The following ISM1 variants were observed in gnomAD, a reference collection of about 807,000 sequenced individuals.
ISM1 encodes the protein isthmin-1.
In ISM1, 25 loss-of-function variants were observed where a neutral mutation model predicts 46.3. The ratio of observed to expected loss-of-function variants is 0.54; its 90% confidence interval spans 0.39 to 0.75. ISM1 has a LOEUF of 0.75. Ranked by LOEUF, ISM1 falls within the 30% of genes least tolerant of loss-of-function variation. The probability of loss-of-function intolerance (pLI) is 0.00; values close to 1 mark genes in which losing one functional copy is unlikely to be tolerated. For missense variants in ISM1, 536 were observed against 625.4 expected (o/e 0.86, Z 1.52); for synonymous variants, 255 against 256.7 (o/e 0.99, Z 0.06).
intron 1 of ISM1, among the ~76,000 whole-genome samples, chr20:13,225,722 A>G (rs796660442): frequency 2.6e-5 from 4 of 152,204 alleles, no homozygotes; most frequent in African/African-American, 7.2e-5. Context: ...TGAGAAAACT[A>G]TCTGCAGTAG....
chr20:13,322,685 A>G, the ISM1 span, among the ~76,000 whole-genome samples: 1 of 152,240 alleles, frequency 6.6e-6, no homozygotes, highest in East Asian at 1.9e-4. Context: ...AGGAGACAGG[A>G]TAAGGAATAG....
chr20:13,223,225 TA>T lies in ISM1; in HGVS notation c.138+1312del, dbSNP rs1210775107. ...TAAATAAATAAAATGAAATAAGCAT[TA>T]TTCATTGTTCCCAAAGGCCTTTATA... On this transcript the variant is annotated intron_variant, in intron 1 of 5. Transcript: ENST00000262487. Among the ~76,000 whole-genome samples the T allele has an allele frequency of 2.0e-5, 3 of 151,668 alleles. No individual in the cohort carries two copies. The East Asian group carries it at 5.8e-4, about 29-fold the overall frequency.
At chr20:13,274,258 C>T (rs574817290) in intron 2 of ISM1, among the ~76,000 whole-genome samples, 35 of 152,270 alleles carry the variant, frequency 2.3e-4, no homozygotes, top group Non-Finnish European at 4.4e-4. Flanking sequence ...CCTCAGAGCA[C>T]TGTTCTTTTG....
At position 13,235,077 on chromosome 20, in the gene ISM1, A is replaced by G. The variant is rs145067337; in HGVS notation, c.138+13163A>G. Among the ~76,000 whole-genome samples the G allele has an allele frequency of 4.3e-3, 648 of 152,302 alleles. 2 individuals are homozygous for G. Among genetic ancestry groups the G allele is most frequent in the African/African-American group, 0.015 (617 of 41,546 alleles). ...TTGCCTAATAATAATGCTGTAGGAC[A>G]ACTACTCCAAATCTCAACGGTCTGC... On this transcript the variant is annotated intron_variant, in intron 1 of 5. Coordinates refer to ENST00000262487, the MANE Select transcript of ISM1 (RefSeq NM_080826.2).
chr20:13,284,422 A>G (rs1161858019), intron 3 of ISM1, among the ~76,000 whole-genome samples: 1 of 152,250 alleles, frequency 6.6e-6, no homozygotes. Flanking sequence ...TCAAAGCACC[A>G]TATAGATGCT....
chr20:13,287,054 C>G (rs552831198), intron 3 of ISM1, among the ~76,000 whole-genome samples: 1 of 151,162 alleles, frequency 6.6e-6, no homozygotes, highest in Non-Finnish European at 1.5e-5. Context: ...ACCCAGTGAC[C>G]TTGAACCAGG....
At chr20:13,247,767 CCT>C (rs1468404566) in intron 1 of ISM1, among the ~76,000 whole-genome samples, 3 of 152,006 alleles carry the variant, frequency 2.0e-5, no homozygotes, top group African/African-American at 4.8e-5. Context: ...ACTTACAGCC[CCT>C]GAGGCTCAGA....
chr20:13,297,236 C>T (rs1210216881), intron 5 of ISM1, among the ~76,000 whole-genome samples: 2 of 152,092 alleles, frequency 1.3e-5, no homozygotes, highest in Non-Finnish European at 1.5e-5. Flanking sequence ...GGACTCCTAA[C>T]CTTCACTGTT....
intron 1 of ISM1, among the ~76,000 whole-genome samples, chr20:13,223,297 T>C (rs1213634427): frequency 6.6e-6 from 1 of 152,206 alleles, no homozygotes; most frequent in Non-Finnish European, 1.5e-5. Context: ...ATACAATTTA[T>C]TGCGAAAAAC....
At chr20:13,325,594 A>G in the ISM1 span, among the ~76,000 whole-genome samples, 22 of 152,248 alleles carry the variant, frequency 1.4e-4, no homozygotes, top group Non-Finnish European at 2.8e-4. Context: ...GGTTTAGACA[A>G]AAACCCTGTG....
intron 1 of ISM1, among the ~76,000 whole-genome samples, chr20:13,260,069 C>T (rs886830659): frequency 1.3e-5 from 2 of 152,174 alleles, no homozygotes; most frequent in African/African-American, 4.8e-5. Flanking sequence ...GCATCAGCTG[C>T]CAGTTTTCCA....
intron 1 of ISM1, among the ~76,000 whole-genome samples, chr20:13,238,399 C>T (rs2039677922): frequency 6.6e-6 from 1 of 152,150 alleles, no homozygotes; most frequent in Non-Finnish European, 1.5e-5. Context: ...AATTCATAGC[C>T]CATTACTCAT....
the ISM1 span, among the ~76,000 whole-genome samples, chr20:13,314,445 AC>A: frequency 6.6e-6 from 1 of 152,198 alleles, no homozygotes; most frequent in South Asian, 2.1e-4. Flanking sequence ...CTCAGAAACC[AC>A]ATAAGCAATA....
chr20:13,285,214 C>A (rs1326365013), intron 3 of ISM1, among the ~76,000 whole-genome samples: 1 of 152,056 alleles, frequency 6.6e-6, no homozygotes, highest in African/African-American at 2.4e-5. Context: ...TTGCTTGAGC[C>A]CAGGAATTCA....
the ISM1 span, among the ~76,000 whole-genome samples, chr20:13,314,591 T>A: frequency 6.6e-6 from 1 of 152,024 alleles, no homozygotes; most frequent in Non-Finnish European, 1.5e-5. Flanking sequence ...GGATGGAATT[T>A]GTTACCAGTA....
chr20:13,323,475 A>G, the ISM1 span, among the ~76,000 whole-genome samples: 2 of 152,198 alleles, frequency 1.3e-5, no homozygotes, highest in Admixed American at 1.3e-4. Context: ...TCCTTTCCCA[A>G]TGTAACTTAT....
downstream of ISM1, among the ~76,000 whole-genome samples, chr20:13,301,160 T>A (rs550182584): frequency 1.3e-5 from 2 of 152,254 alleles, no homozygotes; most frequent in East Asian, 3.9e-4. Context: ...CTGACACAAT[T>A]CTATTCTTAT....
chr20:13,230,309 C>T (rs774116828), intron 1 of ISM1, among the ~76,000 whole-genome samples: 1 of 151,840 alleles, frequency 6.6e-6, no homozygotes, highest in African/African-American at 2.4e-5. Context: ...TTTTTTTCTT[C>T]CCAGAGTTCA....
At chr20:13,302,658 G>A (rs1013945726), downstream of ISM1, among the ~76,000 whole-genome samples, 4 of 152,154 alleles carry the variant, frequency 2.6e-5, no homozygotes, top group African/African-American at 7.2e-5. Context: ...CTGCAGTCTC[G>A]TTGCAGTCCT....
Sources: allele counts gnomAD v4.1 joint callset (sites outside exome capture counted in the v4.1 genomes callset), GRCh38; gene constraint gnomAD v4.1.1; transcripts MANE v1.5; gene names NCBI Gene and HGNC (gene_info 2026-07-23, HGNC 2026-07-21).